The following NWD2 variants were observed in gnomAD, a reference collection of about 807,000 sequenced individuals.
NWD2 encodes the protein NACHT and WD repeat domain containing 2, also known as NACHT and WD repeat domain-containing protein 2.
A neutral mutation model predicts 132.7 loss-of-function variants in NWD2; 37 were observed. The ratio of observed to expected loss-of-function variants is 0.28; its 90% CI spans 0.21 to 0.37. The LOEUF (loss-of-function observed/expected upper bound fraction) is 0.37. NWD2 is among the 10% of genes least tolerant of loss of function. The probability of loss-of-function intolerance (pLI) is 1.00; values close to 1 mark genes in which losing one functional copy is unlikely to be tolerated. For synonymous variants in NWD2, 705 were observed against 803.0 expected (o/e 0.88, Z 2.06); for missense variants, 1,592 against 2,122.4 (o/e 0.75, Z 4.91).
intron 3 of NWD2, among the ~76,000 whole-genome samples, chr4:37,375,646 G>A (rs1720332473): frequency 3.3e-5 from 5 of 149,690 alleles, no homozygotes; most frequent in Admixed American, 2.7e-4. Context: ...TCGGCTCACT[G>A]CAAGCTCCGC....
intron 1 of NWD2, among the ~76,000 whole-genome samples, chr4:37,278,329 CT>C (rs1718065863): frequency 1.3e-5 from 2 of 152,146 alleles, no homozygotes; most frequent in African/African-American, 4.8e-5. Flanking sequence ...ACAATTGGCA[CT>C]TACTACTTGT....
At chr4:37,398,709 G>T (rs552350220) in intron 3 of NWD2, among the ~76,000 whole-genome samples, 3 of 152,138 alleles carry the variant, frequency 2.0e-5, no homozygotes, top group African/African-American at 7.2e-5. Flanking sequence ...AAGTATTCGT[G>T]ACTAAACAGG....
intron 1 of NWD2, among the ~76,000 whole-genome samples, chr4:37,268,209 G>A (rs1007031736): frequency 6.6e-6 from 1 of 151,816 alleles, no homozygotes; most frequent in Non-Finnish European, 1.5e-5. Flanking sequence ...CTTGTATCCT[G>A]TTTTTACACA....
In NWD2 at chr4:37,244,841, G is replaced by A. The variant is rs1271946470; in HGVS notation, c.-227G>A. ...AGCGGGCGAAGGCGGAGGCCCAGAA[G>A]GGCAGGAGACCGCCGCGACAGGAGC... is the stretch of plus-strand genomic sequence containing the variant. On this transcript the variant is annotated 5_prime_UTR_variant, in exon 1 of 7. Coordinates refer to ENST00000309447, the MANE Select transcript of NWD2 (RefSeq NM_001144990.2). This position sits in a 1 kb window ranked among gnomAD's most constrained non-coding sequence, Gnocchi z 5.5. 2 of 547,250 alleles carry A rather than the reference G, an allele frequency of 3.7e-6. No individual in the cohort carries two copies. Among genetic ancestry groups the A allele is most frequent in the East Asian group, 3.5e-5 (1 of 28,306 alleles). 33.9% of individuals were successfully genotyped at this position (547,250 alleles called of 1,614,324 possible). A position where few individuals can be genotyped will look rare whatever the true frequency, so the allele number is the denominator to read the frequency against.
chr4:37,421,876 T>G (rs1181185302), intron 3 of NWD2, among the ~76,000 whole-genome samples: 1 of 151,972 alleles, frequency 6.6e-6, no homozygotes, highest in Non-Finnish European at 1.5e-5. Flanking sequence ...GAACTGGAAG[T>G]TTAAGATTAG....
intron 3 of NWD2, among the ~76,000 whole-genome samples, chr4:37,427,946 A>G (rs1712053969): frequency 6.6e-6 from 1 of 152,246 alleles, no homozygotes. Context: ...GAGCTGAACT[A>G]TTTTATTTGA....
At chr4:37,330,660 T>C (rs551317557) in intron 2 of NWD2, among the ~76,000 whole-genome samples, 1 of 152,314 alleles carries the variant, frequency 6.6e-6, no homozygotes, top group African/African-American at 2.4e-5. Flanking sequence ...TTGCAAGTCC[T>C]TGAGGAAGAG....
At chr4:37,383,229 G>A (rs990933043) in intron 3 of NWD2, among the ~76,000 whole-genome samples, 3 of 152,188 alleles carry the variant, frequency 2.0e-5, no homozygotes, top group African/African-American at 7.2e-5. Flanking sequence ...TAACACATAT[G>A]GGACTAGCCC....
chr4:37,321,235 A>G (rs952906720), intron 1 of NWD2, among the ~76,000 whole-genome samples: 7 of 152,222 alleles, frequency 4.6e-5, no homozygotes, highest in Non-Finnish European at 8.8e-5. Flanking sequence ...GCTCCAATCT[A>G]GCACGGTCCT....
At chr4:37,348,263 GT>G in intron 2 of NWD2, among the ~76,000 whole-genome samples, 1 of 152,152 alleles carries the variant, frequency 6.6e-6, no homozygotes, top group Non-Finnish European at 1.5e-5. Context: ...CTGTTAACAA[GT>G]TCGTTAACAT....
At chr4:37,257,361 G>T (rs1315731100) in intron 1 of NWD2, among the ~76,000 whole-genome samples, 1 of 152,210 alleles carries the variant, frequency 6.6e-6, no homozygotes, top group Admixed American at 6.5e-5. Flanking sequence ...TCCTAAGAAT[G>T]AAGAAGTTGA....
chr4:37,249,842 C>T (rs1717316514), intron 1 of NWD2, among the ~76,000 whole-genome samples: 2 of 152,130 alleles, frequency 1.3e-5, no homozygotes, highest in African/African-American at 4.8e-5. Context: ...TTTGCATCTT[C>T]CCAGACTCTT....
At chr4:37,359,445 C>T (rs1183549936) in intron 3 of NWD2, among the ~76,000 whole-genome samples, 1 of 152,072 alleles carries the variant, frequency 6.6e-6, no homozygotes, top group African/African-American at 2.4e-5. Context: ...TGACAACTGG[C>T]ATGTGTGTGT....
chr4:37,276,412 G>A (rs1270693055), intron 1 of NWD2, among the ~76,000 whole-genome samples: 2 of 152,312 alleles, frequency 1.3e-5, no homozygotes, highest in East Asian at 3.9e-4. Context: ...ACACCAGTTA[G>A]AATGGCGATC....
intron 3 of NWD2, among the ~76,000 whole-genome samples, chr4:37,375,719 C>T (rs1720334213): frequency 6.6e-6 from 1 of 152,130 alleles, no homozygotes; most frequent in African/African-American, 2.4e-5. Flanking sequence ...CAGGTCCCTG[C>T]CACCATGCCT....
intron 3 of NWD2, among the ~76,000 whole-genome samples, chr4:37,423,732 T>C (rs1711896518): frequency 6.6e-6 from 1 of 152,164 alleles, no homozygotes; most frequent in Admixed American, 6.5e-5. Flanking sequence ...ATCACATACC[T>C]AACCAGAAAT....
Position 37,446,966 on chromosome 4 carries a change from T to G in NWD2, c.4978T>G (p.Ser1660Ala), listed in dbSNP as rs1712654793. The G allele has an allele frequency of 6.4e-7, 1 of 1,551,558 alleles. No homozygotes were observed. Among genetic ancestry groups the G allele is most frequent in the Non-Finnish European group, 8.7e-7 (1 of 1,147,002 alleles). Residue 1660 changes from serine to alanine, a missense_variant, in exon 7 of 7, where the codon TCA becomes GCA. Ser to Ala is a moderately conservative substitution (Grantham distance 99). Around this residue, in one of 7 missense-constraint regions of NWD2, gnomAD observed 257 missense variants for 335.0 expected, o/e 0.77. Coordinates refer to ENST00000309447, the MANE Select transcript of NWD2 (RefSeq NM_001144990.2). This position sits in a 1 kb window ranked among gnomAD's most constrained non-coding sequence, Gnocchi z 6.7. ...TGCACTGAAAATCAAAATTGCCACT[T>G]CAAATAGCAGACAAATTTTCAACAA... is the stretch of plus-strand genomic sequence containing the variant. ...DAALKIKIATSNSRQIFNNAT... is the reference protein window; with the variant it reads ...DAALKIKIATANSRQIFNNAT...
intron 3 of NWD2, among the ~76,000 whole-genome samples, chr4:37,357,950 A>T (rs1158726697): frequency 6.6e-6 from 1 of 152,148 alleles, no homozygotes; most frequent in Non-Finnish European, 1.5e-5. Flanking sequence ...TGGCATGTTC[A>T]GGAAACAGCA....
At chr4:37,290,966 G>C (rs571934684) in intron 1 of NWD2, among the ~76,000 whole-genome samples, 1 of 152,248 alleles carries the variant, frequency 6.6e-6, no homozygotes, top group East Asian at 1.9e-4. Context: ...CAAGGTTTTG[G>C]TTTAATGGGA....
Sources: gnomAD v4.1 joint callset for allele counts (sites outside exome capture counted in the v4.1 genomes callset) on GRCh38, gnomAD v4.1.1 for gene constraint, gnomAD v4.1.1 regional missense constraint, Gnocchi (gnomAD v3.1) non-coding constraint, MANE v1.5 for transcripts, NCBI Gene and HGNC (gene_info 2026-07-23, HGNC 2026-07-21) for gene names.